Variants in CHCHD6 observed in about 807,000 individuals in gnomAD.
CHCHD6 encodes the protein MICOS complex subunit MIC25.
CHCHD6 carries 28 observed loss-of-function variants against 32.3 expected under a neutral mutation model. The observed-to-expected ratio is 0.87, with a 90% CI of 0.64 to 1.19. CHCHD6 has a LOEUF of 1.19. Among genes scored for constraint, CHCHD6 ranks in the 50% most tolerant of loss-of-function variants. CHCHD6 has a pLI of 0.00. For synonymous variants in CHCHD6, 122 were observed against 117.5 expected (o/e 1.04, Z -0.25); for missense variants, 333 against 307.0 (o/e 1.08, Z -0.63).
chr3:126,914,704 T>C lies in CHCHD6; in HGVS notation c.520T>C (p.Ser174Pro). ...RKNAEMYKLS[S>P]EQFHEAASKM... The stretch of plus-strand genomic sequence containing the variant: ...GAATGCTGAGATGTATAAACTGTCT[T>C]CAGAGCAATTCCATGAGGCAGCCTC... The change falls in exon 6 of 8, where the codon TCA becomes CCA. Residue 174 changes from serine to proline, a missense_variant. Physicochemically the swap from Ser to Pro is moderately conservative, Grantham distance 74 (BLOSUM62 -1). Coordinates refer to ENST00000290913, the MANE Select transcript of CHCHD6 (RefSeq NM_032343.3). 1 of 1,595,888 alleles carries C rather than the reference T, an allele frequency of 6.3e-7. No individual in the cohort carries two copies. The highest frequency in any genetic ancestry group is 8.6e-7 in the Non-Finnish European group (1 of 1,163,372).
chr3:126,908,924 C>G (rs571011995), intron 5 of CHCHD6, among the ~76,000 whole-genome samples: 2 of 152,348 alleles, frequency 1.3e-5, no homozygotes. Context: ...GTTACACACC[C>G]GGAAGAGGTG....
At position 126,960,372 on chromosome 3, in the gene CHCHD6, CAAAT is replaced by C. The variant is rs1424498406; in HGVS notation, c.*175_*178del. 15 of 719,810 alleles carry C rather than the reference CAAAT, an allele frequency of 2.1e-5. No homozygotes were observed. Among genetic ancestry groups the C allele is most frequent in the Non-Finnish European group, 3.5e-5 (15 of 427,422 alleles). The allele number at this position is 719,810 out of a possible 1,614,324, so 44.6% of individuals were successfully genotyped here. ...CAAAGTATGCGCTACTGTCTGAAAACAAATAAAGCAGATGCCTTTGTTTTCAGTC... is the reference window on the plus strand; with the variant it reads ...CAAAGTATGCGCTACTGTCTGAAAACAAAGCAGATGCCTTTGTTTTCAGTC... On this transcript the variant is annotated 3_prime_UTR_variant, in exon 8 of 8. Transcript: ENST00000290913.
intron 4 of CHCHD6, among the ~76,000 whole-genome samples, chr3:126,801,928 A>G (rs1417568716): frequency 6.6e-6 from 1 of 152,312 alleles, no homozygotes; most frequent in African/African-American, 2.4e-5. Flanking sequence ...TTCTGCAGGC[A>G]CCGCTGCTGA....
rs371384056 is a variant in CHCHD6 at position 126,741,012 on chromosome 3, C to G, written c.411+7790C>G. ...TCCAGGGATGGCCCTCTGTTCATCA[C>G]TGCTGCAGTAGTGATGCCTGCCTTG... On this transcript the variant is annotated intron_variant, in intron 4 of 7. Coordinates refer to ENST00000290913, the MANE Select transcript of CHCHD6 (RefSeq NM_032343.3). 8.5e-5 allele frequency among the ~76,000 whole-genome samples: 13 copies of G among 152,332 alleles called. No homozygotes were observed. In the East Asian group the frequency reaches 2.3e-3, roughly 27 times the overall value.
chr3:126,873,754 C>A (rs566139405), intron 5 of CHCHD6, among the ~76,000 whole-genome samples: 1 of 152,332 alleles, frequency 6.6e-6, no homozygotes, highest in East Asian at 1.9e-4. Context: ...TGTTTGAGTG[C>A]TTATGTACCA....
intron 6 of CHCHD6, among the ~76,000 whole-genome samples, chr3:126,953,474 G>A (rs576550607): frequency 6.6e-6 from 1 of 152,274 alleles, no homozygotes; most frequent in South Asian, 2.1e-4. Flanking sequence ...TCTGCCAAGT[G>A]CCTCCAGTAA....
At chr3:126,814,613 G>A (rs1052261470) in intron 4 of CHCHD6, among the ~76,000 whole-genome samples, 5 of 152,146 alleles carry the variant, frequency 3.3e-5, no homozygotes, top group Admixed American at 6.5e-5. Flanking sequence ...CCAGATAACC[G>A]AACACTTAGA....
intron 4 of CHCHD6, among the ~76,000 whole-genome samples, chr3:126,848,701 C>A (rs1941373438): frequency 6.6e-6 from 1 of 152,126 alleles, no homozygotes; most frequent in Admixed American, 6.5e-5. Context: ...TCTTTAGTTT[C>A]TAATTGTTGA....
At chr3:126,921,514 G>C (rs951572354) in intron 6 of CHCHD6, among the ~76,000 whole-genome samples, 2 of 151,706 alleles carry the variant, frequency 1.3e-5, no homozygotes, top group African/African-American at 4.8e-5. Context: ...CCTTCAGTCT[G>C]CTTCCCGTGG....
chr3:126,707,749 G>A (rs147231559), intron 1 of CHCHD6, among the ~76,000 whole-genome samples: 14 of 152,342 alleles, frequency 9.2e-5, no homozygotes, highest in South Asian at 4.1e-4. Context: ...TCTGGACCAC[G>A]GTGGAGGGGA....
At chr3:126,937,418 C>T (rs1182442712) in intron 6 of CHCHD6, among the ~76,000 whole-genome samples, 1 of 151,938 alleles carries the variant, frequency 6.6e-6, no homozygotes. Flanking sequence ...GAGCCTGGTA[C>T]GTCTCTCAGG....
chr3:126,802,056 G>C (rs984502021), intron 4 of CHCHD6, among the ~76,000 whole-genome samples: 2 of 151,982 alleles, frequency 1.3e-5, no homozygotes, highest in African/African-American at 4.8e-5. Context: ...CACCAAAAAC[G>C]CATCTGTACA....
At chr3:126,744,316 C>T (rs1467344067) in intron 4 of CHCHD6, among the ~76,000 whole-genome samples, 1 of 152,218 alleles carries the variant, frequency 6.6e-6, no homozygotes, top group Non-Finnish European at 1.5e-5. Flanking sequence ...TTCAATTTGT[C>T]AAGCCGATTG....
intron 6 of CHCHD6, among the ~76,000 whole-genome samples, chr3:126,928,312 C>T (rs2078353964): frequency 1.3e-5 from 2 of 152,322 alleles, no homozygotes; most frequent in South Asian, 2.1e-4. Flanking sequence ...AGACAGGTAT[C>T]AGGTGATTGT....
At chr3:126,738,244 C>T (rs367801441) in intron 4 of CHCHD6, among the ~76,000 whole-genome samples, 14 of 152,144 alleles carry the variant, frequency 9.2e-5, no homozygotes, top group African/African-American at 2.7e-4. Context: ...GCAGATTCAA[C>T]CCACTGTGGA....
At chr3:126,877,201 T>C (rs1246521606) in intron 5 of CHCHD6, among the ~76,000 whole-genome samples, 2 of 152,188 alleles carry the variant, frequency 1.3e-5, no homozygotes, top group African/African-American at 4.8e-5. Context: ...GGGACTTCTT[T>C]GAGTAGACTT....
chr3:126,912,284 T>G (rs1008928942), intron 5 of CHCHD6, among the ~76,000 whole-genome samples: 2 of 152,094 alleles, frequency 1.3e-5, no homozygotes, highest in African/African-American at 4.8e-5. Flanking sequence ...GGCGTCTGCA[T>G]GGAGTGGGAG....
intron 4 of CHCHD6, among the ~76,000 whole-genome samples, chr3:126,747,185 T>C (rs1171975218): frequency 6.6e-6 from 1 of 152,228 alleles, no homozygotes; most frequent in Non-Finnish European, 1.5e-5. Context: ...CTGCTGGTGA[T>C]GCCTCAGTTT....
chr3:126,884,233 A>T (rs1351794680), intron 5 of CHCHD6, among the ~76,000 whole-genome samples: 1 of 152,160 alleles, frequency 6.6e-6, no homozygotes, highest in Non-Finnish European at 1.5e-5. Flanking sequence ...GGCATACAGT[A>T]GGTGCCCATC....
Sources: allele counts gnomAD v4.1 joint callset (sites outside exome capture counted in the v4.1 genomes callset), GRCh38; gene constraint gnomAD v4.1.1; transcripts MANE v1.5; gene names NCBI Gene and HGNC (gene_info 2026-07-23, HGNC 2026-07-21).